ZBTB7C: variants seen among roughly 807,000 people sequenced by gnomAD.
ZBTB7C encodes the protein zinc finger and BTB domain containing 7C.
A neutral mutation model predicts 25.7 loss-of-function variants in ZBTB7C; 8 were observed. The ratio of observed to expected loss-of-function variants is 0.31; its 90% CI spans 0.18 to 0.56. ZBTB7C has a LOEUF of 0.56. ZBTB7C is among the 20% of genes least tolerant of loss of function. The pLI, the probability that ZBTB7C is intolerant of heterozygous loss-of-function variation, is 0.91. For missense variants in ZBTB7C, 824 were observed against 855.2 expected, an observed-to-expected ratio of 0.96 and a Z score of 0.46; for synonymous variants, 394 against 369.0, an observed-to-expected ratio of 1.07 and a Z score of -0.78.
intron 1 of ZBTB7C, among the ~76,000 whole-genome samples, chr18:48,361,220 C>T (rs2047098418): frequency 6.6e-6 from 1 of 152,156 alleles, no homozygotes; most frequent in Non-Finnish European, 1.5e-5. Flanking sequence ...AACACAACCG[C>T]TTTATGCAAT....
chr18:48,329,901 T>C (rs2144903135), intron 2 of ZBTB7C, among the ~76,000 whole-genome samples: 1 of 152,290 alleles, frequency 6.6e-6, no homozygotes, highest in East Asian at 1.9e-4. Context: ...ATTTTGCACC[T>C]ACAACAATCC....
chr18:48,156,187 AG>A (rs1255662919), intron 3 of ZBTB7C, among the ~76,000 whole-genome samples: 1 of 152,220 alleles, frequency 6.6e-6, no homozygotes, highest in African/African-American at 2.4e-5. Flanking sequence ...GCAAAGGAAA[AG>A]TAAGAGGGAA....
At chr18:48,087,501 G>A (rs974295937) in intron 3 of ZBTB7C, among the ~76,000 whole-genome samples, 1 of 152,184 alleles carries the variant, frequency 6.6e-6, no homozygotes, top group Admixed American at 6.5e-5. Context: ...GGCATTTATG[G>A]CCAGGCATGG....
At chr18:48,098,730 T>C (rs1210087972) in intron 3 of ZBTB7C, among the ~76,000 whole-genome samples, 1 of 152,194 alleles carries the variant, frequency 6.6e-6, no homozygotes, top group Admixed American at 6.5e-5. Flanking sequence ...ATTACAGGGA[T>C]TGGCTCAGGG....
intron 3 of ZBTB7C, among the ~76,000 whole-genome samples, chr18:48,128,165 G>A (rs912567089): frequency 6.6e-6 from 1 of 152,190 alleles, no homozygotes; most frequent in African/African-American, 2.4e-5. Flanking sequence ...GGAAGCTCCT[G>A]GTTCTCCCTG....
intron 3 of ZBTB7C, among the ~76,000 whole-genome samples, chr18:48,130,083 G>A (rs1598934966): frequency 6.6e-6 from 1 of 152,256 alleles, no homozygotes; most frequent in East Asian, 1.9e-4. Context: ...GGTTAGGGGT[G>A]GAGTCGCCTT....
intron 1 of ZBTB7C, among the ~76,000 whole-genome samples, chr18:48,340,377 C>G (rs2046570200): frequency 6.6e-6 from 1 of 152,198 alleles, no homozygotes; most frequent in African/African-American, 2.4e-5. Flanking sequence ...GTGCCCACCT[C>G]TAGTCAACAG....
chr18:48,262,450 C>T lies in ZBTB7C; in HGVS notation c.-79+75724G>A, dbSNP rs148415290. 4.5e-3 allele frequency among the ~76,000 whole-genome samples: 686 copies of T among 152,298 alleles called. 2 individuals are homozygous for T. The highest frequency in any genetic ancestry group is 0.016 in the African/African-American group (650 of 41,544). On this transcript the variant is annotated intron_variant, in intron 2 of 4. Transcript: ENST00000590800. The stretch of plus-strand genomic sequence containing the variant: ...CCTATCCTCAGAGAGCTTGCTGTCT[C>T]ACTAAGGAGATGAGGCCTACCCACA...
chr18:48,075,886 T>A (rs1470699154), intron 3 of ZBTB7C, among the ~76,000 whole-genome samples: 1 of 152,206 alleles, frequency 6.6e-6, no homozygotes, highest in Admixed American at 6.5e-5. Flanking sequence ...TCCGCTCTCC[T>A]AGGAGTTCCC....
intron 2 of ZBTB7C, among the ~76,000 whole-genome samples, chr18:48,223,637 G>T (rs1364837521): frequency 6.6e-6 from 1 of 152,190 alleles, no homozygotes; most frequent in East Asian, 1.9e-4. Flanking sequence ...CTTCTTCAAT[G>T]GGTTGGCCAT....
At chr18:48,370,147 C>T (rs2047352046) in intron 1 of ZBTB7C, among the ~76,000 whole-genome samples, 1 of 152,082 alleles carries the variant, frequency 6.6e-6, no homozygotes, top group African/African-American at 2.4e-5. Context: ...CTGAACAATC[C>T]ATGGGCCAAA....
intron 2 of ZBTB7C, among the ~76,000 whole-genome samples, chr18:48,276,305 A>G (rs1160340488): frequency 7.7e-6 from 1 of 129,924 alleles, no homozygotes; most frequent in Non-Finnish European, 1.7e-5. Flanking sequence ...TTTTTTATTT[A>G]TTTATTTATT....
intron 3 of ZBTB7C, among the ~76,000 whole-genome samples, chr18:48,157,072 G>A (rs1419940441): frequency 1.3e-5 from 2 of 152,142 alleles, no homozygotes; most frequent in Non-Finnish European, 2.9e-5. Flanking sequence ...ATTTCAAAGG[G>A]TGGGAGAGGG....
At chr18:48,045,410 CTCAA>C (rs964732848) in intron 3 of ZBTB7C, among the ~76,000 whole-genome samples, 2 of 152,242 alleles carry the variant, frequency 1.3e-5, no homozygotes, top group Non-Finnish European at 2.9e-5. Context: ...AGAGCTGTGG[CTCAA>C]TCAGCCTTTC....
chr18:48,179,723 T>G (rs894243935), intron 3 of ZBTB7C, among the ~76,000 whole-genome samples: 1 of 140,770 alleles, frequency 7.1e-6, no homozygotes, highest in African/African-American at 2.7e-5. Context: ...AAGATATCCC[T>G]CCCTCCCTCT....
intron 3 of ZBTB7C, among the ~76,000 whole-genome samples, chr18:48,123,235 T>C (rs1341344454): frequency 6.6e-6 from 1 of 152,172 alleles, no homozygotes; most frequent in African/African-American, 2.4e-5. Flanking sequence ...ATATACTTCC[T>C]CCCTCTAGGA....
At chr18:48,369,307 T>A (rs1291718515) in intron 1 of ZBTB7C, among the ~76,000 whole-genome samples, 2 of 151,788 alleles carry the variant, frequency 1.3e-5, no homozygotes, top group African/African-American at 4.8e-5. Flanking sequence ...CTAAAAAATA[T>A]ATACATAAAT....
At chr18:48,283,359 T>C (rs1186124541) in intron 2 of ZBTB7C, among the ~76,000 whole-genome samples, 1 of 152,232 alleles carries the variant, frequency 6.6e-6, no homozygotes, top group Non-Finnish European at 1.5e-5. Flanking sequence ...TTCTTCTTTC[T>C]ATTTTCTGTT....
intron 3 of ZBTB7C, among the ~76,000 whole-genome samples, chr18:48,056,598 T>C (rs1317899207): frequency 6.6e-6 from 1 of 152,176 alleles, no homozygotes; most frequent in Non-Finnish European, 1.5e-5. Flanking sequence ...GGTATGAATT[T>C]AGCATGTAAT....
Sources: gnomAD v4.1 joint callset for allele counts (sites outside exome capture counted in the v4.1 genomes callset) on GRCh38, gnomAD v4.1.1 for gene constraint, MANE v1.5 for transcripts, NCBI Gene and HGNC (gene_info 2026-07-23, HGNC 2026-07-21) for gene names.